TXNDC9: variants seen among roughly 807,000 people sequenced by gnomAD.
TXNDC9 encodes thioredoxin domain-containing protein 9.
A neutral mutation model predicts 23.0 loss-of-function variants in TXNDC9; 7 were observed. The observed-to-expected ratio is 0.30, with a 90% confidence interval of 0.17 to 0.57. TXNDC9 has a LOEUF of 0.57. Ranked by LOEUF, TXNDC9 falls within the 20% of genes least tolerant of loss-of-function variation. The probability of loss-of-function intolerance (pLI) is 0.90; values close to 1 mark genes in which losing one functional copy is unlikely to be tolerated. For synonymous variants in TXNDC9, 72 were observed against 90.6 expected (o/e 0.79, Z 1.17); for missense variants, 198 against 252.6 (o/e 0.78, Z 1.47).
intron 4 of TXNDC9, 125 bp from the exon 5 acceptor site, chr2:99,319,924 G>T: frequency 1.6e-6 from 1 of 632,626 alleles, no homozygotes; most frequent in Admixed American, 3.2e-5. Context: ...GCTGGTGTCA[G>T]GGAAGAGGTA....
Position 99,321,954 on chromosome 2 carries a change from C to A in TXNDC9, c.563+1G>T, listed in dbSNP as rs559272735. The A allele has an allele frequency of 6.3e-7, 1 of 1,599,612 alleles. No homozygotes were observed. Among genetic ancestry groups the A allele is most frequent in the Admixed American group, 1.7e-5 (1 of 57,562 alleles). ...CAATCTCTTCTTTTGTTAAAAGTTACCTGTAATTAAGAATGTCAGAAGAAC... is the reference window on the plus strand; with the variant it reads ...CAATCTCTTCTTTTGTTAAAAGTTAACTGTAATTAAGAATGTCAGAAGAAC... On this transcript the variant is annotated splice_donor_variant, in intron 4 of 4. Coordinates refer to ENST00000264255, the MANE Select transcript of TXNDC9 (RefSeq NM_005783.4). LOFTEE classifies it high-confidence loss of function.
At position 99,328,411 on chromosome 2, in the gene TXNDC9, G is replaced by A. The variant is rs370714422; in HGVS notation, c.190-758C>T. On this transcript the variant is annotated intron_variant, in intron 2 of 4. Transcript: ENST00000264255. ...GCCACTGTGCCTGGCTGAAGTCAAA[G>A]AAAAATGAATGTTTTTTAGCAATTT... Among the ~76,000 whole-genome samples the A allele has an allele frequency of 2.6e-5, 4 of 152,134 alleles. No homozygotes were observed. The East Asian group carries it at 7.7e-4, about 29-fold the overall frequency.
intron 4 of TXNDC9, among the ~76,000 whole-genome samples, chr2:99,320,817 TAAAAC>T (rs2094200079): frequency 6.6e-6 from 1 of 152,166 alleles, no homozygotes; most frequent in African/African-American, 2.4e-5. Flanking sequence ...AAGACAATGA[TAAAAC>T]AAATATAAAA....
the TXNDC9 span, among the ~76,000 whole-genome samples, chr2:99,311,235 A>G: frequency 6.6e-6 from 1 of 151,936 alleles, no homozygotes; most frequent in Non-Finnish European, 1.5e-5. Flanking sequence ...ACACAGGAGA[A>G]TTTTTTTATC....
In TXNDC9 at chr2:99,327,749, T is replaced by C. The variant is rs572598541; in HGVS notation, c.190-96A>G. On this transcript the variant is annotated intron_variant, in intron 2 of 4. Coordinates refer to ENST00000264255, the MANE Select transcript of TXNDC9 (RefSeq NM_005783.4). ...TCCAAATCACCATCGTATTTTGTAATGAAGTCAATTAAAAAAAAAAGTTTT... is the reference window on the plus strand; with the variant it reads ...TCCAAATCACCATCGTATTTTGTAACGAAGTCAATTAAAAAAAAAAGTTTT... 128 of 721,314 alleles carry C rather than the reference T, an allele frequency of 1.8e-4. No individual in the cohort carries two copies. The African/African-American group carries it at 2.2e-3, about 13-fold the overall frequency. The allele number at this position is 721,314 out of a possible 1,614,324, so 44.7% of individuals were successfully genotyped here.
chr2:99,324,251 A>G (rs1370286578), intron 3 of TXNDC9, among the ~76,000 whole-genome samples: 2 of 152,238 alleles, frequency 1.3e-5, no homozygotes, highest in Admixed American at 6.5e-5. Context: ...AACTACCTCT[A>G]GATGACTCAC....
intron 4 of TXNDC9, chr2:99,321,706 T>G: frequency 4.9e-6 from 2 of 410,308 alleles, no homozygotes; most frequent in South Asian, 4.1e-5. Context: ...GCTGAAAACT[T>G]TTATAGTCAG....
At chr2:99,324,892 C>G (rs982308328) in intron 3 of TXNDC9, among the ~76,000 whole-genome samples, 1 of 152,186 alleles carries the variant, frequency 6.6e-6, no homozygotes, top group African/African-American at 2.4e-5. Context: ...ACTACAGGCA[C>G]GAGCCACCAT....
At chr2:99,334,275 G>A (rs1004490500) in intron 1 of TXNDC9, among the ~76,000 whole-genome samples, 5 of 147,866 alleles carry the variant, frequency 3.4e-5, no homozygotes, top group Non-Finnish European at 1.5e-5. Flanking sequence ...GATACCTTGA[G>A]CCCAGGAGGC....
the TXNDC9 span, chr2:99,306,923 A>G: frequency 8.4e-6 from 3 of 355,154 alleles, no homozygotes. Flanking sequence ...CCTGTAAGAA[A>G]AAGCTGCCAA....
downstream of TXNDC9, among the ~76,000 whole-genome samples, chr2:99,314,831 T>A (rs1296571642): frequency 1.3e-5 from 2 of 151,912 alleles, no homozygotes. Flanking sequence ...GATTTGAGCA[T>A]CTTTTCATGT....
intron 2 of TXNDC9, among the ~76,000 whole-genome samples, chr2:99,329,656 A>G (rs1447336864): frequency 6.6e-6 from 1 of 152,178 alleles, no homozygotes; most frequent in East Asian, 1.9e-4. Context: ...CAACTTACCA[A>G]TGATATGTGC....
the TXNDC9 span, among the ~76,000 whole-genome samples, chr2:99,309,647 G>C: frequency 1.3e-4 from 20 of 151,974 alleles, no homozygotes; most frequent in Non-Finnish European, 1.5e-5. Flanking sequence ...CAGCCTGGCC[G>C]ACATGGTTTA....
the TXNDC9 span, among the ~76,000 whole-genome samples, chr2:99,313,177 AAAC>A: frequency 4.6e-5 from 7 of 152,066 alleles, no homozygotes; most frequent in South Asian, 4.2e-4. Flanking sequence ...AAACAAACAA[AAAC>A]AACAACAACA....
At chr2:99,336,216 C>G (rs1463126237) in intron 1 of TXNDC9, 23 bp downstream of exon 1, 1 of 985,254 alleles carries the variant, frequency 1.0e-6, no homozygotes, top group African/African-American at 1.7e-5. Flanking sequence ...TGGTCGGATT[C>G]TTCTCACTAC....
downstream of TXNDC9, among the ~76,000 whole-genome samples, chr2:99,318,193 T>C (rs1200494954): frequency 6.7e-6 from 1 of 150,120 alleles, no homozygotes; most frequent in Non-Finnish European, 1.5e-5. Context: ...GCCAGGCTCT[T>C]TCTGTTGAGC....
intron 3 of TXNDC9, 134 bp from the exon 4 acceptor site, chr2:99,322,343 G>A (rs1182232556): frequency 1.5e-6 from 2 of 1,319,460 alleles, no homozygotes; most frequent in East Asian, 5.0e-5. Context: ...ACTTAAACTT[G>A]TGTCAGATGA....
At position 99,327,847 on chromosome 2, in the gene TXNDC9, C is replaced by T. The variant is rs112408432; in HGVS notation, c.190-194G>A. On this transcript the variant is annotated intron_variant, in intron 2 of 4. Transcript: ENST00000264255. The stretch of plus-strand genomic sequence containing the variant: ...GTCACCAGGCTGGAGGGCAGTGGCG[C>T]GATCTTGGCTCACTGCAACCTCCGC... Among the ~76,000 whole-genome samples, 653 of 149,676 alleles carry T rather than the reference C, an allele frequency of 4.4e-3. 2 individuals are homozygous for T. The highest frequency in any genetic ancestry group is 7.9e-3 in the Non-Finnish European group (535 of 67,550).
downstream of TXNDC9, among the ~76,000 whole-genome samples, chr2:99,318,135 C>T (rs900027220): frequency 3.9e-5 from 6 of 152,228 alleles, no homozygotes; most frequent in African/African-American, 1.4e-4. Flanking sequence ...AAGTGATCTG[C>T]CCGCCTTGGC....
Sources: gnomAD v4.1 joint callset for allele counts (sites outside exome capture counted in the v4.1 genomes callset) on GRCh38, gnomAD v4.1.1 for gene constraint, MANE v1.5 for transcripts, NCBI Gene and HGNC (gene_info 2026-07-23, HGNC 2026-07-21) for gene names.